Variants in ABR observed in about 807,000 individuals in gnomAD.
ABR encodes the protein active breakpoint cluster region-related protein.
ABR carries 35 observed loss-of-function variants against 107.2 expected under a neutral mutation model. That is an observed-to-expected ratio of 0.33 (90% CI 0.25 to 0.43). The LOEUF (loss-of-function observed/expected upper bound fraction) is 0.43, where lower values mean the gene tolerates loss of function less well. ABR is among the 20% of genes least tolerant of loss of function. The probability of loss-of-function intolerance (pLI) is 1.00; values close to 1 mark genes in which losing one functional copy is unlikely to be tolerated. For missense variants in ABR, 815 were observed against 1,115.2 expected, an observed-to-expected ratio of 0.73 and a Z score of 3.83; for synonymous variants, 498 against 462.0, an observed-to-expected ratio of 1.08 and a Z score of -1.00.
intron 5 of ABR, chr17:1,083,262 ATTTTTTT>A (rs71148428): frequency 7.7e-4 from 78 of 101,158 alleles, no homozygotes; most frequent in Middle Eastern, 5.9e-3. Flanking sequence ...ACTGCCTTGG[ATTTTTTT>A]TTTTTTTTTT....
chr17:1,162,646 C>A (rs546517883), intron 1 of ABR, among the ~76,000 whole-genome samples: 1 of 152,034 alleles, frequency 6.6e-6, no homozygotes, highest in African/African-American at 2.4e-5. Flanking sequence ...CCTGACGGGC[C>A]CTAATGGATG....
intron 10 of ABR, among the ~76,000 whole-genome samples, chr17:1,063,951 G>A (rs1404130148): frequency 6.7e-6 from 1 of 149,680 alleles, no homozygotes; most frequent in Non-Finnish European, 1.5e-5. Context: ...CTGTTGTTAT[G>A]TGAACTGAGG....
At chr17:1,145,805 T>C (rs1362769781) in intron 1 of ABR, among the ~76,000 whole-genome samples, 1 of 152,138 alleles carries the variant, frequency 6.6e-6, no homozygotes, top group Non-Finnish European at 1.5e-5. Context: ...GCCACGCAGC[T>C]CCGGGCTCCT....
chr17:1,068,996 G>T (rs1028225210), intron 9 of ABR, among the ~76,000 whole-genome samples: 1 of 152,236 alleles, frequency 6.6e-6, no homozygotes, highest in Non-Finnish European at 1.5e-5. Flanking sequence ...CAGCACTGCA[G>T]TTAGCAGAAA....
Position 1,194,873 on chromosome 17 carries a change from G to A in ABR, c.838+33920C>T, listed in dbSNP as rs535492318. ...TCGCCATGTTGGCCAGACTGGTCTCGAACTCCTGACTCAGGTGATTCACCC... is the reference window on the plus strand; with the variant it reads ...TCGCCATGTTGGCCAGACTGGTCTCAAACTCCTGACTCAGGTGATTCACCC... On this transcript the variant is annotated intron_variant, in intron 1 of 22. Coordinates refer to the ABR transcript ENST00000574139. Among the ~76,000 whole-genome samples, 12 of 89,756 alleles carry A rather than the reference G, an allele frequency of 1.3e-4. 3 individuals carry two copies. In the Admixed American group the frequency reaches 1.4e-3, roughly 11 times the overall value. The allele number at this position is 89,756 out of a possible 152,430, so 58.9% of individuals were successfully genotyped here.
At chr17:1,007,724 G>C (rs1370873922) in intron 21 of ABR, among the ~76,000 whole-genome samples, 1 of 151,890 alleles carries the variant, frequency 6.6e-6, no homozygotes, top group Non-Finnish European at 1.5e-5. Flanking sequence ...AGTACAGAGG[G>C]GTTAAGTGAC....
intron 1 of ABR, among the ~76,000 whole-genome samples, chr17:1,171,132 G>GC (rs1000026558): frequency 7.2e-5 from 11 of 152,212 alleles, no homozygotes; most frequent in Non-Finnish European, 1.5e-4. Context: ...CCGAGGTAAC[G>GC]CGAACGGGGT....
At chr17:1,031,742 G>A (rs2072789251) in intron 16 of ABR, 1 of 1,235,052 alleles carries the variant, frequency 8.1e-7, no homozygotes, top group Non-Finnish European at 1.0e-6. Flanking sequence ...CGTCGGTCAT[G>A]CCGGGGGGGA....
chr17:1,085,110 CTTTTT>C, intron 4 of ABR, among the ~76,000 whole-genome samples: 1 of 126,118 alleles, frequency 7.9e-6, no homozygotes, highest in East Asian at 2.2e-4. Flanking sequence ...CCAATTAAAA[CTTTTT>C]TTTTTTTTTT....
At chr17:1,028,389 A>G (rs1417394570) in intron 16 of ABR, among the ~76,000 whole-genome samples, 2 of 151,596 alleles carry the variant, frequency 1.3e-5, no homozygotes, top group African/African-American at 2.4e-5. Context: ...GTGAGCCACC[A>G]CACTTGGCTA....
At chr17:1,189,048 C>T (rs543241760), upstream of ABR, among the ~76,000 whole-genome samples, 10 of 152,326 alleles carry the variant, frequency 6.6e-5, no homozygotes, top group Non-Finnish European at 8.8e-5. Context: ...CTGAGCTGGT[C>T]AGCTCAGTCT....
At chr17:1,168,089 C>G (rs537557005) in intron 1 of ABR, among the ~76,000 whole-genome samples, 8 of 151,874 alleles carry the variant, frequency 5.3e-5, no homozygotes, top group African/African-American at 1.9e-4. Context: ...GAGTTCGAGA[C>G]CAGCCTGACC....
intron 1 of ABR, among the ~76,000 whole-genome samples, chr17:1,161,702 G>A (rs1260001455): frequency 1.3e-5 from 2 of 151,916 alleles, no homozygotes; most frequent in Non-Finnish European, 2.9e-5. Flanking sequence ...TTACAGGCGT[G>A]TACCACCACA....
At chr17:1,044,493 T>G (rs1214156227) in intron 16 of ABR, among the ~76,000 whole-genome samples, 1 of 151,862 alleles carries the variant, frequency 6.6e-6, no homozygotes, top group Non-Finnish European at 1.5e-5. Context: ...CTACTACTAC[T>G]AATAAAAATC....
chr17:1,067,338 T>C (rs567942501), intron 9 of ABR, 96 bp from the exon 10 acceptor site: 1 of 1,220,928 alleles, frequency 8.2e-7, no homozygotes, highest in Admixed American at 2.9e-5. Context: ...TGACAGGGGT[T>C]GACTGAGAAC....
intron 21 of ABR, 141 bp from the exon 22 acceptor site, chr17:1,007,453 C>G: frequency 9.9e-7 from 1 of 1,012,590 alleles, no homozygotes; most frequent in East Asian, 2.6e-5. Flanking sequence ...GAGTGGGGAC[C>G]TCCCCCGGGG....
intron 16 of ABR, among the ~76,000 whole-genome samples, chr17:1,031,194 G>A (rs1049967534): frequency 1.3e-5 from 2 of 152,120 alleles, no homozygotes; most frequent in African/African-American, 2.4e-5. Flanking sequence ...ACGGTGCTGC[G>A]GTCGGCGCCC....
intron 1 of ABR, among the ~76,000 whole-genome samples, chr17:1,168,525 A>G (rs1308016654): frequency 6.6e-6 from 1 of 152,176 alleles, no homozygotes; most frequent in African/African-American, 2.4e-5. Flanking sequence ...GTGTGCTGGG[A>G]AACTGGAATG....
At chr17:1,178,430 G>C (rs1027425422) in intron 1 of ABR, among the ~76,000 whole-genome samples, 3 of 152,098 alleles carry the variant, frequency 2.0e-5, no homozygotes, top group South Asian at 2.1e-4. Flanking sequence ...CGAGAGTGGT[G>C]GTGGGTACCT....
Sources: gnomAD v4.1 joint callset for allele counts (sites outside exome capture counted in the v4.1 genomes callset) on GRCh38, gnomAD v4.1.1 for gene constraint, MANE v1.5 for transcripts, NCBI Gene and HGNC (gene_info 2026-07-23, HGNC 2026-07-21) for gene names.